Variants in CADPS2 observed in about 807,000 individuals in gnomAD.
The protein encoded by CADPS2 is calcium dependent secretion activator 2, also known as calcium-dependent secretion activator 2.
Under a neutral mutation model 172.5 loss-of-function variants are expected in CADPS2, and 93 were observed. That is an observed-to-expected ratio of 0.54 (90% confidence interval 0.46 to 0.64). CADPS2 has a LOEUF of 0.64. CADPS2 is among the 30% of genes least tolerant of loss of function. The pLI is 0.00. For synonymous variants in CADPS2, 546 were observed against 555.2 expected (o/e 0.98, Z 0.23); for missense variants, 1,420 against 1,565.9 (o/e 0.91, Z 1.57).
chr7:122,442,821 T>C (rs2051542283), intron 15 of CADPS2, among the ~76,000 whole-genome samples: 1 of 152,154 alleles, frequency 6.6e-6, no homozygotes, highest in Admixed American at 6.6e-5. Context: ...TATCATTGTA[T>C]TTACTGCTAA....
intron 2 of CADPS2, chr7:122,702,340 A>C: frequency 6.2e-7 from 1 of 1,613,802 alleles, no homozygotes; most frequent in Non-Finnish European, 8.5e-7. Flanking sequence ...GAAATACTTT[A>C]CTGCCCGTAC....
intron 22 of CADPS2, among the ~76,000 whole-genome samples, chr7:122,391,368 T>C (rs915015171): frequency 2.3e-4 from 35 of 152,130 alleles, no homozygotes; most frequent in African/African-American, 7.9e-4. Context: ...GGATTCAGAG[T>C]TTGTACAAAT....
At chr7:122,688,133 T>G (rs1476812061) in intron 2 of CADPS2, among the ~76,000 whole-genome samples, 2 of 152,232 alleles carry the variant, frequency 1.3e-5, no homozygotes, top group African/African-American at 4.8e-5. Context: ...TCACTCTTCC[T>G]CTACTCCCCC....
intron 28 of CADPS2, among the ~76,000 whole-genome samples, chr7:122,335,463 C>T (rs2035710573): frequency 6.6e-6 from 1 of 152,118 alleles, no homozygotes; most frequent in South Asian, 2.1e-4. Flanking sequence ...TGAAAGTTCA[C>T]ATGTTGGCCA....
At chr7:122,330,291 G>A (rs1043877067) in intron 28 of CADPS2, among the ~76,000 whole-genome samples, 2 of 152,066 alleles carry the variant, frequency 1.3e-5, no homozygotes, top group African/African-American at 4.8e-5. Flanking sequence ...AGGAAGGCTT[G>A]GATAAATTTG....
chr7:122,494,893 T>TA (rs2058614316), intron 9 of CADPS2, among the ~76,000 whole-genome samples: 1 of 151,770 alleles, frequency 6.6e-6, no homozygotes, highest in African/African-American at 2.4e-5. Context: ...TTTTTTTTTT[T>TA]ATTTTTTGGT....
rs71161313 is a variant in CADPS2, at chr7:122,637,171, CTTTTTTTTTTTTTTT to C, written c.787-7858_787-7844del. ...CTTCTGACTGCATTATGAAATTTTG[CTTTTTTTTTTTTTTT>C]TTTTTTTTTTTTTTTTTTTTTTCCT... is the stretch of plus-strand genomic sequence containing the variant. On this transcript the variant is annotated intron_variant, in intron 3 of 29. Transcript: ENST00000449022. Among the ~76,000 whole-genome samples the C allele has an allele frequency of 1.3e-3, 70 of 53,904 alleles. 10 individuals are homozygous for C. The highest frequency in any genetic ancestry group is 7.2e-3 in the East Asian group (16 of 2,230). 35.4% of individuals were successfully genotyped at this position (53,904 alleles called of 152,430 possible).
intron 29 of CADPS2, among the ~76,000 whole-genome samples, chr7:122,324,141 T>C (rs2033312810): frequency 6.6e-6 from 1 of 151,976 alleles, no homozygotes; most frequent in African/African-American, 2.4e-5. Context: ...AGCTATAGTA[T>C]TAAAATTTTG....
At chr7:122,552,999 C>G (rs1271260005) in intron 8 of CADPS2, among the ~76,000 whole-genome samples, 1 of 152,076 alleles carries the variant, frequency 6.6e-6, no homozygotes, top group Non-Finnish European at 1.5e-5. Flanking sequence ...CCTTCCAGGA[C>G]TCCCTGCCTT....
chr7:122,633,542 A>C (rs571834418), intron 3 of CADPS2, among the ~76,000 whole-genome samples: 1 of 152,162 alleles, frequency 6.6e-6, no homozygotes, highest in South Asian at 2.1e-4. Flanking sequence ...TTGTACTTTG[A>C]TTTTGTGCTG....
chr7:122,583,670 T>A (rs934687155), intron 6 of CADPS2, among the ~76,000 whole-genome samples: 1 of 151,078 alleles, frequency 6.6e-6, no homozygotes, highest in South Asian at 2.1e-4. Flanking sequence ...GGAGATATTG[T>A]ACGTGTGTAT....
chr7:122,393,264 C>A lies in CADPS2; in HGVS notation c.2940G>T (p.Leu980=), dbSNP rs1010573030. ...TAGGAATCTGTGGAAGATTAAGAGG[C>A]AGACTTGGAACTTTTGGAAGAGCTA... is the stretch of plus-strand genomic sequence containing the variant. The part of the protein sequence containing the change: ...PNVALPKVPS[L]PLNLPQIPNI... Residue 980 remains leucine (L), a synonymous_variant, in exon 22 of 30, where the codon CTG becomes CTT. Coordinates refer to ENST00000449022, the MANE Select transcript of CADPS2 (RefSeq NM_017954.11). The A allele has an allele frequency of 6.2e-7, 1 of 1,613,808 alleles. No homozygotes were observed. The highest frequency in any genetic ancestry group is 8.5e-7 in the Non-Finnish European group (1 of 1,179,786).
At chr7:122,619,668 T>C (rs2075358511) in intron 5 of CADPS2, among the ~76,000 whole-genome samples, 1 of 151,960 alleles carries the variant, frequency 6.6e-6, no homozygotes, top group South Asian at 2.1e-4. Flanking sequence ...TTGGAAAAAG[T>C]TATACTATAA....
At chr7:122,832,875 CT>C (rs948746854) in intron 1 of CADPS2, among the ~76,000 whole-genome samples, 1 of 151,894 alleles carries the variant, frequency 6.6e-6, no homozygotes, top group Non-Finnish European at 1.5e-5. Context: ...AGACTGCTGG[CT>C]TTTTTTTAAA....
chr7:122,780,106 C>A (rs1792292504), intron 1 of CADPS2, among the ~76,000 whole-genome samples: 1 of 152,104 alleles, frequency 6.6e-6, no homozygotes, highest in African/African-American at 2.4e-5. Context: ...ATCCTGAAAT[C>A]AGAGGTCCAA....
rs1041570955 is a variant in CADPS2 at position 122,629,308 on chromosome 7, T to C, written c.807A>G (p.Gln269=). ...NACQLDNADE[Q]AAQIRRELDG... is the part of the protein sequence containing the mutation. The stretch of plus-strand genomic sequence containing the variant: ...CAAGTTCCCTTCTGATCTGGGCTGC[T>C]TGTTCATCTGCGTTATCCAGCTTAA... Residue 269 remains glutamine (Q), a synonymous_variant, in exon 4 of 30, where the codon CAA becomes CAG. Coordinates refer to ENST00000449022, the MANE Select transcript of CADPS2 (RefSeq NM_017954.11). 2.5e-6 allele frequency: 4 copies of C among 1,609,492 alleles called. No homozygotes were observed. The Admixed American group carries it at 5.0e-5, about 20-fold the overall frequency.
chr7:122,482,144 G>T (rs1017949256), intron 11 of CADPS2, among the ~76,000 whole-genome samples: 1 of 152,132 alleles, frequency 6.6e-6, no homozygotes, highest in African/African-American at 2.4e-5. Flanking sequence ...CATTCCTCGG[G>T]CATTCCTTGC....
chr7:122,599,923 T>G (rs2072496303), intron 6 of CADPS2, among the ~76,000 whole-genome samples: 1 of 152,062 alleles, frequency 6.6e-6, no homozygotes, highest in Non-Finnish European at 1.5e-5. Context: ...TTAAAGGCAG[T>G]GATTATATTT....
intron 1 of CADPS2, among the ~76,000 whole-genome samples, chr7:122,836,852 A>C (rs1808616925): frequency 6.6e-6 from 1 of 152,190 alleles, no homozygotes; most frequent in Non-Finnish European, 1.5e-5. Flanking sequence ...CCCCACTGTC[A>C]ACATTAGACA....
Sources: gnomAD v4.1 joint callset for allele counts (sites outside exome capture counted in the v4.1 genomes callset) on GRCh38, gnomAD v4.1.1 for gene constraint, MANE v1.5 for transcripts, NCBI Gene and HGNC (gene_info 2026-07-23, HGNC 2026-07-21) for gene names.